The following PAFAH1B1 variants were observed in gnomAD, a reference collection of about 807,000 sequenced individuals.
The protein encoded by PAFAH1B1 is platelet-activating factor acetylhydrolase IB subunit beta.
PAFAH1B1 carries 2 observed loss-of-function variants against 57.5 expected under a neutral mutation model. The ratio of observed to expected loss-of-function variants is 0.03; its 90% CI spans 0.01 to 0.11. The LOEUF is 0.11. PAFAH1B1 is among the 10% of genes least tolerant of loss of function. The pLI, the probability that PAFAH1B1 is intolerant of heterozygous loss-of-function variation, is 1.00. For synonymous variants in PAFAH1B1, 152 were observed against 169.6 expected, an observed-to-expected ratio of 0.90 and a Z score of 0.81; for missense variants, 257 against 512.0, an observed-to-expected ratio of 0.50 and a Z score of 4.81.
intron 1 of PAFAH1B1, among the ~76,000 whole-genome samples, chr17:2,615,283 G>A (rs1181002787): frequency 6.6e-6 from 1 of 152,048 alleles, no homozygotes; most frequent in Non-Finnish European, 1.5e-5. Context: ...GGGGGGTCCT[G>A]GAATGACTGT....
chr17:2,672,846 G>C, intron 7 of PAFAH1B1, 89 bp downstream of exon 7: 3 of 794,496 alleles, frequency 3.8e-6, no homozygotes, highest in Non-Finnish European at 4.4e-6. Flanking sequence ...AAGGTGGGCA[G>C]ATCACCTGGT....
intron 9 of PAFAH1B1, chr17:2,679,876 G>T: frequency 2.5e-6 from 1 of 398,820 alleles, no homozygotes; most frequent in South Asian, 2.8e-5. Flanking sequence ...TCACACTCAA[G>T]AAATTTACCA....
At chr17:2,658,567 A>G (rs1457429434) in intron 2 of PAFAH1B1, among the ~76,000 whole-genome samples, 1 of 152,110 alleles carries the variant, frequency 6.6e-6, no homozygotes, top group Non-Finnish European at 1.5e-5. Context: ...GTCATCTGAG[A>G]CCCAGCCGTC....
chr17:2,602,135 TAAAA>T (rs910876419), intron 1 of PAFAH1B1, among the ~76,000 whole-genome samples: 1 of 150,682 alleles, frequency 6.6e-6, no homozygotes, highest in Non-Finnish European at 1.5e-5. Context: ...AACGTAAAGA[TAAAA>T]AAAAACCCCA....
At chr17:2,677,851 C>T (rs1476815078) in intron 9 of PAFAH1B1, among the ~76,000 whole-genome samples, 1 of 114,498 alleles carries the variant, frequency 8.7e-6, no homozygotes, top group Non-Finnish European at 1.9e-5. Context: ...GAGACTCCGC[C>T]TCAAAAAATA....
chr17:2,622,891 A>G (rs985940064), intron 1 of PAFAH1B1, among the ~76,000 whole-genome samples: 3 of 152,210 alleles, frequency 2.0e-5, no homozygotes, highest in African/African-American at 7.2e-5. Context: ...CCAAACCTCA[A>G]TTCTTGACTT....
rs560636927 is a variant in PAFAH1B1, at chr17:2,628,591, T to C, written c.-190-9508T>C. Among the ~76,000 whole-genome samples the C allele has an allele frequency of 5.3e-5, 8 of 152,290 alleles. No homozygotes were observed. The East Asian group carries it at 1.5e-3, about 29-fold the overall frequency. On this transcript the variant is annotated intron_variant, in intron 1 of 10. Transcript: ENST00000397195. ...TTTCCTGGTTTTGGTATTAGGGTGATGCTGGCTTCATAAAATGAATTAGGG... is the reference window on the plus strand; with the variant it reads ...TTTCCTGGTTTTGGTATTAGGGTGACGCTGGCTTCATAAAATGAATTAGGG...
intron 1 of PAFAH1B1, among the ~76,000 whole-genome samples, chr17:2,628,207 T>C (rs901203798): frequency 9.2e-5 from 14 of 152,218 alleles, no homozygotes; most frequent in Non-Finnish European, 2.1e-4. Context: ...TTATGTTGGC[T>C]GTGGGTTTGT....
chr17:2,595,322 G>C (rs1465868571), intron 1 of PAFAH1B1, among the ~76,000 whole-genome samples: 3 of 151,754 alleles, frequency 2.0e-5, no homozygotes, highest in African/African-American at 7.3e-5. Context: ...GGGTTATTTT[G>C]TGTGAATTTC....
chr17:2,656,670 G>A (rs1451981775), intron 2 of PAFAH1B1, among the ~76,000 whole-genome samples: 2 of 152,058 alleles, frequency 1.3e-5, no homozygotes, highest in Non-Finnish European at 2.9e-5. Context: ...ATAATTCTGG[G>A]GATGCCTATT....
intron 1 of PAFAH1B1, among the ~76,000 whole-genome samples, chr17:2,616,315 C>T (rs77007396): frequency 6.6e-6 from 1 of 152,158 alleles, no homozygotes; most frequent in East Asian, 1.9e-4. Context: ...TTAGGTTTCT[C>T]CAGAGAAGCA....
intron 2 of PAFAH1B1, among the ~76,000 whole-genome samples, chr17:2,646,935 A>T (rs530354956): frequency 6.6e-6 from 1 of 152,270 alleles, no homozygotes; most frequent in South Asian, 2.1e-4. Flanking sequence ...CCACCTTCGT[A>T]GAAACACTGG....
chr17:2,602,728 C>T (rs939428317), intron 1 of PAFAH1B1, among the ~76,000 whole-genome samples: 7 of 152,194 alleles, frequency 4.6e-5, no homozygotes, highest in Non-Finnish European at 8.8e-5. Flanking sequence ...CCCTTGGCTC[C>T]CTTTGTATTT....
At position 2,682,596 on chromosome 17, in the gene PAFAH1B1, T is replaced by C. The variant is rs1018322023; in HGVS notation, c.*794T>C. 1.3e-5 allele frequency: 2 copies of C among 152,676 alleles called. No individual in the cohort carries two copies. Among genetic ancestry groups the C allele is most frequent in the African/African-American group, 2.4e-5 (1 of 41,472 alleles). 9.5% of individuals were successfully genotyped at this position (152,676 alleles called of 1,614,324 possible). A position where few individuals can be genotyped will look rare whatever the true frequency, so the allele number is the denominator to read the frequency against. ...ACTTCTAGTTGTATTCTCCATACTATTAGACTGTGTAGTGATGTGACTTCC... is the reference window on the plus strand; with the variant it reads ...ACTTCTAGTTGTATTCTCCATACTACTAGACTGTGTAGTGATGTGACTTCC... On this transcript the variant is annotated 3_prime_UTR_variant, in exon 11 of 11. Coordinates refer to ENST00000397195, the MANE Select transcript of PAFAH1B1 (RefSeq NM_000430.4).
intron 2 of PAFAH1B1, among the ~76,000 whole-genome samples, chr17:2,644,221 A>G (rs563482129): frequency 1.3e-5 from 2 of 150,716 alleles, no homozygotes; most frequent in East Asian, 3.9e-4. Context: ...ATATAAGCTC[A>G]TAAAGTTTTT....
At chr17:2,637,021 C>T (rs772112879) in intron 1 of PAFAH1B1, among the ~76,000 whole-genome samples, 2 of 152,030 alleles carry the variant, frequency 1.3e-5, no homozygotes, top group African/African-American at 2.4e-5. Flanking sequence ...CACCACACCC[C>T]GCCTCTCATT....
chr17:2,639,197 C>T (rs1464724554), intron 2 of PAFAH1B1: 1 of 152,136 alleles, frequency 6.6e-6, no homozygotes, highest in Non-Finnish European at 1.5e-5. Flanking sequence ...CGCGCCTGGC[C>T]CCTAAGCTTA....
At chr17:2,594,442 C>G (rs1031741736) in intron 1 of PAFAH1B1, among the ~76,000 whole-genome samples, 3 of 152,240 alleles carry the variant, frequency 2.0e-5, no homozygotes, top group Non-Finnish European at 2.9e-5. Context: ...TCTCCCCGGC[C>G]GCGGAGACGA....
At chr17:2,681,469 A>G (rs988875853) in intron 10 of PAFAH1B1, 8 of 397,520 alleles carry the variant, frequency 2.0e-5, no homozygotes, top group Non-Finnish European at 3.2e-5. Flanking sequence ...GCTCAGTGTG[A>G]TGGAGGGTTG....
Sources: gnomAD v4.1 joint callset for allele counts (sites outside exome capture counted in the v4.1 genomes callset) on GRCh38, gnomAD v4.1.1 for gene constraint, MANE v1.5 for transcripts, NCBI Gene and HGNC (gene_info 2026-07-23, HGNC 2026-07-21) for gene names.